The following GSN variants were observed in gnomAD, a reference collection of about 807,000 sequenced individuals.
GSN encodes gelsolin.
GSN carries 56 observed loss-of-function variants against 85.7 expected under a neutral mutation model. The ratio of observed to expected loss-of-function variants is 0.65; its 90% CI spans 0.53 to 0.82. The LOEUF (loss-of-function observed/expected upper bound fraction) is 0.82, where lower values mean the gene tolerates loss of function less well. Among genes scored for constraint, GSN ranks in the 40% least tolerant of loss-of-function variants. The probability of loss-of-function intolerance (pLI) is 0.00; values close to 1 mark genes in which losing one functional copy is unlikely to be tolerated. For missense variants in GSN, 857 were observed against 979.8 expected, an observed-to-expected ratio of 0.87 and a Z score of 1.67; for synonymous variants, 373 against 399.1, an observed-to-expected ratio of 0.93 and a Z score of 0.78.
intron 4 of GSN, among the ~76,000 whole-genome samples, chr9:121,223,175 A>G (rs927267512): frequency 6.6e-6 from 1 of 152,190 alleles, no homozygotes; most frequent in Non-Finnish European, 1.5e-5. Flanking sequence ...AGATCTTGTC[A>G]GGAAGCTACT....
At chr9:121,210,417 T>A (rs1190058485) in intron 3 of GSN, 2 of 152,252 alleles carry the variant, frequency 1.3e-5, no homozygotes, top group Non-Finnish European at 2.9e-5. Context: ...GCAAGTCTTA[T>A]AGCCTCATAT....
At position 121,299,525 on chromosome 9, in the gene GSN, G is replaced by A; in HGVS notation, c.-9-2438G>A. The stretch of plus-strand genomic sequence containing the variant: ...GTTATTTTTTTGCTGGAGGTGTTAG[G>A]TGCGGAGAGGCGAGGGGGCTCGCGT... On this transcript the variant is annotated intron_variant, in intron 2 of 17. Transcript: ENST00000432226. The surrounding 1 kb of genome is among the most constrained non-coding windows in gnomAD (Gnocchi z 4.2). 1.1e-6 allele frequency: 1 copy of A among 952,034 alleles called. No individual in the cohort carries two copies. Among genetic ancestry groups the A allele is most frequent in the Non-Finnish European group, 1.3e-6 (1 of 799,536 alleles). 59.0% of individuals were successfully genotyped at this position (952,034 alleles called of 1,614,324 possible). A position where few individuals can be genotyped will look rare whatever the true frequency, so the allele number is the denominator to read the frequency against.
rs1208454041 is a variant in GSN at position 121,228,440 on chromosome 9, T to A, written c.-527-2725T>A. On this transcript the variant is annotated intron_variant, in intron 4 of 24. Transcript: ENST00000373823. Reference sequence around the variant, plus strand: ...TATATATATATTTTTTTTTTTTTTTTTTTTTTTTTTTGAGATAGGGTCTTG... The same window carrying A: ...TATATATATATTTTTTTTTTTTTTTATTTTTTTTTTTGAGATAGGGTCTTG... Among the ~76,000 whole-genome samples, 25 of 100,314 alleles carry A rather than the reference T, an allele frequency of 2.5e-4. 2 individuals carry two copies. The highest frequency in any genetic ancestry group is 1.2e-3 in the African/African-American group (22 of 18,702). The allele number at this position is 100,314 out of a possible 152,430, so 65.8% of individuals were successfully genotyped here. A position where few individuals can be genotyped will look rare whatever the true frequency, so the allele number is the denominator to read the frequency against.
At chr9:121,325,657 G>T (rs529821982) in intron 12 of GSN, among the ~76,000 whole-genome samples, 4 of 152,302 alleles carry the variant, frequency 2.6e-5, no homozygotes, top group East Asian at 3.9e-4. Flanking sequence ...TCCGTCCTAC[G>T]GTGGGAGTGG....
intron 4 of GSN, among the ~76,000 whole-genome samples, chr9:121,216,908 G>A (rs2054074198): frequency 6.6e-6 from 1 of 152,126 alleles, no homozygotes; most frequent in African/African-American, 2.4e-5. Flanking sequence ...TTCTTCCTTG[G>A]CTTGTGGATG....
Position 121,329,397 on chromosome 9 carries a change from A to C in GSN, c.1965+82A>C. ...TTCCAGTTCTATGATCAGTTGCTAG[A>C]AGGACCTAAAGGGGGCAGTGCCAGG... On this transcript the variant is annotated intron_variant, in intron 16 of 17. Coordinates refer to ENST00000432226, the MANE Select transcript of GSN (RefSeq NM_198252.3). The surrounding 1 kb of genome is among the most constrained non-coding windows in gnomAD (Gnocchi z 4.6). 1 of 869,876 alleles carries C rather than the reference A, an allele frequency of 1.1e-6. No individual in the cohort carries two copies. Among genetic ancestry groups the C allele is most frequent in the African/African-American group, 1.6e-5 (1 of 61,030 alleles). 53.9% of individuals were successfully genotyped at this position (869,876 alleles called of 1,614,324 possible).
rs552269641 is a variant in GSN at position 121,285,900 on chromosome 9, C to A, written c.-10+4338C>A. ...GCAGTAGGCAGGCAGGTTCTTCCCC[C>A]CAAAATTGACGGCCTTGTGCTTAAG... On this transcript the variant is annotated intron_variant, in intron 2 of 17. Transcript: ENST00000432226. 1.7e-4 allele frequency among the ~76,000 whole-genome samples: 26 copies of A among 152,282 alleles called. 1 individual carries two copies. The South Asian group carries it at 5.4e-3, about 32-fold the overall frequency.
At chr9:121,273,366 G>A (rs2056246968) in intron 1 of GSN, among the ~76,000 whole-genome samples, 1 of 152,156 alleles carries the variant, frequency 6.6e-6, no homozygotes, top group South Asian at 2.1e-4. Flanking sequence ...TGGCTGAGCT[G>A]GGTTTTGGTG....
chr9:121,231,989 C>T (rs1335504096), intron 5 of GSN, among the ~76,000 whole-genome samples: 3 of 152,098 alleles, frequency 2.0e-5, no homozygotes, highest in Non-Finnish European at 4.4e-5. Flanking sequence ...ATTGCCTGAA[C>T]CCAGGAGGCG....
chr9:121,312,557 G>T, intron 6 of GSN, 69 bp downstream of exon 6: 1 of 1,174,268 alleles, frequency 8.5e-7, no homozygotes, highest in Non-Finnish European at 1.2e-6. Flanking sequence ...TGTTCAGTAG[G>T]CAATTTGAGG....
intron 1 of GSN, among the ~76,000 whole-genome samples, chr9:121,275,063 A>T (rs573903993): frequency 6.6e-6 from 1 of 152,236 alleles, no homozygotes; most frequent in Non-Finnish European, 1.5e-5. Context: ...CTTCAGGAGC[A>T]TCTGAAGCTG....
chr9:121,300,195 G>A, intron 2 of GSN: 1 of 1,100,222 alleles, frequency 9.1e-7, no homozygotes, highest in Non-Finnish European at 1.4e-6. Context: ...GGCCCTGGCT[G>A]TTCCTTCCCA....
intron 7 of GSN, among the ~76,000 whole-genome samples, chr9:121,316,664 T>C (rs1052261706): frequency 6.6e-6 from 1 of 152,170 alleles, no homozygotes; most frequent in Non-Finnish European, 1.5e-5. Flanking sequence ...AGAGATGGGA[T>C]CTTGCCATGT....
chr9:121,238,670 G>A (rs1036769935), intron 5 of GSN: 2 of 354,858 alleles, frequency 5.6e-6, no homozygotes, highest in Non-Finnish European at 1.1e-5. Context: ...GACCAGTACA[G>A]GTGCTCTTCA....
At chr9:121,310,265 G>A in intron 4 of GSN, 1 of 299,804 alleles carries the variant, frequency 3.3e-6, no homozygotes, top group South Asian at 3.2e-5. Flanking sequence ...ATTTGACCGT[G>A]GAACTCTTTC....
intron 5 of GSN, chr9:121,311,287 G>A: frequency 4.3e-6 from 1 of 233,118 alleles, no homozygotes. Flanking sequence ...AATGTGTGTG[G>A]GATGCCCTTA....
rs781527352 is a variant in GSN at position 121,325,696 on chromosome 9, C to T, written c.1417-816C>T. Among the ~76,000 whole-genome samples, 9 of 152,118 alleles carry T rather than the reference C, an allele frequency of 5.9e-5. 1 individual carries two copies. The highest frequency in any genetic ancestry group is 1.3e-4 in the Non-Finnish European group (9 of 68,022). ...GGGCTCTAGATTGGCATCGGGGGTT[C>T]GTGCCCTGACCTTTGACTATGATAG... is the stretch of plus-strand genomic sequence containing the variant. On this transcript the variant is annotated intron_variant, in intron 12 of 17. Coordinates refer to ENST00000432226, the MANE Select transcript of GSN (RefSeq NM_198252.3).
intron 6 of GSN, among the ~76,000 whole-genome samples, chr9:121,249,898 G>A (rs1484220031): frequency 6.6e-6 from 1 of 152,240 alleles, no homozygotes; most frequent in Non-Finnish European, 1.5e-5. Flanking sequence ...GATGATTCAA[G>A]TGGCTGTTTC....
intron 5 of GSN, among the ~76,000 whole-genome samples, chr9:121,236,749 C>G (rs1195889829): frequency 6.6e-6 from 1 of 152,170 alleles, no homozygotes; most frequent in African/African-American, 2.4e-5. Flanking sequence ...CAGGAAGGAG[C>G]AGGAATAAAA....
Sources: gnomAD v4.1 joint callset for allele counts (sites outside exome capture counted in the v4.1 genomes callset) on GRCh38, gnomAD v4.1.1 for gene constraint, Gnocchi (gnomAD v3.1) non-coding constraint, MANE v1.5 for transcripts, NCBI Gene and HGNC (gene_info 2026-07-23, HGNC 2026-07-21) for gene names.